Variants in SDHAF3 observed in about 807,000 individuals in gnomAD.
SDHAF3 encodes succinate dehydrogenase assembly factor 3, mitochondrial.
SDHAF3 carries 18 observed loss-of-function variants against 11.5 expected under a neutral mutation model. The observed-to-expected ratio is 1.56, with a 90% CI of 1.08 to 2.32. SDHAF3 has a LOEUF of 2.32. Ranked by LOEUF, SDHAF3 falls within the 30% of genes most tolerant of loss-of-function variation. SDHAF3 has a pLI of 0.00. For missense variants in SDHAF3, 200 were observed against 154.4 expected (o/e 1.30, Z -1.57); for synonymous variants, 72 against 59.3 (o/e 1.21, Z -0.99).
At chr7:97,174,894 T>G (rs910945347) in intron 1 of SDHAF3, among the ~76,000 whole-genome samples, 5 of 152,222 alleles carry the variant, frequency 3.3e-5, no homozygotes, top group African/African-American at 4.8e-5. Context: ...GTTATGTAGT[T>G]TTTCATAGTC....
intron 1 of SDHAF3, among the ~76,000 whole-genome samples, chr7:97,127,909 T>C (rs1050580808): frequency 2.0e-5 from 3 of 147,430 alleles, no homozygotes; most frequent in African/African-American, 7.6e-5. Context: ...TTTTTTTTTT[T>C]TTTTTTTTTT....
intron 1 of SDHAF3, among the ~76,000 whole-genome samples, chr7:97,161,273 C>T (rs1789405445): frequency 6.6e-6 from 1 of 152,102 alleles, no homozygotes; most frequent in Non-Finnish European, 1.5e-5. Flanking sequence ...TTATTTTCCT[C>T]TATTAGTATT....
intron 1 of SDHAF3, chr7:97,136,557 G>A: frequency 3.8e-6 from 2 of 530,652 alleles, no homozygotes. Flanking sequence ...TAAGGGGGTG[G>A]CAAGAGTTTA....
Position 97,117,731 on chromosome 7 carries a change from G to C in SDHAF3, c.8G>C (p.Gly3Ala). 6.2e-7 allele frequency: 1 copy of C among 1,612,892 alleles called. No homozygotes were observed. The highest frequency in any genetic ancestry group is 8.5e-7 in the Non-Finnish European group (1 of 1,179,446). The change falls in exon 1 of 2, where the codon GGG becomes GCG. Residue 3 changes from glycine to alanine, a missense_variant. By Grantham distance (60) the Gly-to-Ala change is moderately conservative. Transcript: ENST00000432641. Reference protein sequence around the residue: MPGRHVSRVRALY... With the variant: MPARHVSRVRALY... The stretch of plus-strand genomic sequence containing the variant: ...CGGTCGGCGTGGGGCGCTATGCCGG[G>C]GCGGCACGTTTCTCGAGTCCGGGCA...
intron 1 of SDHAF3, chr7:97,136,536 A>C: frequency 1.8e-6 from 1 of 562,312 alleles, no homozygotes; most frequent in Non-Finnish European, 3.2e-6. Flanking sequence ...AATATTCTTT[A>C]CAGCCTAAAT....
intron 1 of SDHAF3, chr7:97,135,680 A>AT (rs1791752195): frequency 1.2e-4 from 10 of 85,798 alleles, no homozygotes; most frequent in Admixed American, 5.1e-4. Context: ...ATATATATAT[A>AT]TATTTTTTTT....
intron 1 of SDHAF3, among the ~76,000 whole-genome samples, chr7:97,163,235 G>A (rs930524404): frequency 3.5e-5 from 5 of 142,662 alleles, no homozygotes; most frequent in Admixed American, 7.4e-5. Context: ...TCAGCCTTCC[G>A]GTTTCAAGTG....
At chr7:97,118,920 A>G (rs745317251) in intron 1 of SDHAF3, among the ~76,000 whole-genome samples, 3 of 152,198 alleles carry the variant, frequency 2.0e-5, no homozygotes, top group Non-Finnish European at 4.4e-5. Flanking sequence ...CTTGAAAATC[A>G]TGGTGTATTT....
chr7:97,126,860 A>AC (rs1791584667), intron 1 of SDHAF3, among the ~76,000 whole-genome samples: 1 of 151,488 alleles, frequency 6.6e-6, no homozygotes, highest in African/African-American at 2.4e-5. Flanking sequence ...AAAAAAAAAA[A>AC]AACCCTGCAG....
At position 97,117,832 on chromosome 7, in the gene SDHAF3, G is replaced by T; in HGVS notation, c.109G>T (p.Asp37Tyr). 1 of 1,614,216 alleles carries T rather than the reference G, an allele frequency of 6.2e-7. No individual in the cohort carries two copies. The highest frequency in any genetic ancestry group is 1.1e-5 in the South Asian group (1 of 91,082). Residue 37 changes from aspartate (D) to tyrosine (Y), a missense_variant, in exon 1 of 2, where the codon GAC becomes TAC. Asp to Tyr is a radical substitution (Grantham distance 160). Coordinates refer to ENST00000432641, the MANE Select transcript of SDHAF3 (RefSeq NM_020186.3). ...LKSLGDQYVK[D>Y]EFRRHKTVGS... ...ATCCCTGGGCGACCAGTACGTGAAA[G>T]ACGAATTTAGGAGACATAAGACCGT...
chr7:97,123,497 T>C (rs1791530829), intron 1 of SDHAF3, among the ~76,000 whole-genome samples: 1 of 152,194 alleles, frequency 6.6e-6, no homozygotes, highest in South Asian at 2.1e-4. Flanking sequence ...TTATAATCCT[T>C]TGGGTATATA....
intron 1 of SDHAF3, among the ~76,000 whole-genome samples, chr7:97,137,683 A>G (rs1202057245): frequency 6.6e-6 from 1 of 152,158 alleles, no homozygotes; most frequent in East Asian, 1.9e-4. Flanking sequence ...GGTGAGACCC[A>G]TTGTGTCTTA....
intron 1 of SDHAF3, among the ~76,000 whole-genome samples, chr7:97,158,621 G>A (rs1266153323): frequency 1.6e-4 from 25 of 152,274 alleles, no homozygotes; most frequent in Non-Finnish European, 2.9e-5. Context: ...ACTGCACCCA[G>A]CGAGTTTCCC....
At chr7:97,175,875 A>C (rs1022126190) in intron 1 of SDHAF3, among the ~76,000 whole-genome samples, 7 of 152,206 alleles carry the variant, frequency 4.6e-5, no homozygotes, top group Admixed American at 2.0e-4. Context: ...CCACAGCCTG[A>C]CTTAAAACAA....
At chr7:97,169,249 G>A (rs1310310861) in intron 1 of SDHAF3, among the ~76,000 whole-genome samples, 1 of 152,112 alleles carries the variant, frequency 6.6e-6, no homozygotes, top group Non-Finnish European at 1.5e-5. Context: ...TCACTTGAAT[G>A]TAGTGAGCTA....
intron 1 of SDHAF3, among the ~76,000 whole-genome samples, chr7:97,159,892 T>C (rs1341234297): frequency 6.6e-6 from 1 of 152,210 alleles, no homozygotes; most frequent in African/African-American, 2.4e-5. Flanking sequence ...TTTTGGAGGG[T>C]TAGACCATTG....
At chr7:97,170,668 CT>C (rs1024678430) in intron 1 of SDHAF3, among the ~76,000 whole-genome samples, 4 of 151,448 alleles carry the variant, frequency 2.6e-5, no homozygotes, top group Non-Finnish European at 2.9e-5. Flanking sequence ...GCTTTTTTTT[CT>C]TTTTATCTTT....
chr7:97,181,370 T>A lies in SDHAF3; in HGVS notation c.*155T>A. ...TATGATTGCAGTATATGGATCAAGA[T>A]CACTAGTGACAATTGAAAAAAACTA... is the stretch of plus-strand genomic sequence containing the variant. On this transcript the variant is annotated 3_prime_UTR_variant, in exon 2 of 2. Coordinates refer to ENST00000432641, the MANE Select transcript of SDHAF3 (RefSeq NM_020186.3). 1.8e-6 allele frequency: 1 copy of A among 554,940 alleles called. No homozygotes were observed. Among genetic ancestry groups the A allele is most frequent in the Non-Finnish European group, 3.1e-6 (1 of 324,174 alleles). The allele number at this position is 554,940 out of a possible 1,614,324, so 34.4% of individuals were successfully genotyped here. A position where few individuals can be genotyped will look rare whatever the true frequency, so the allele number is the denominator to read the frequency against.
At chr7:97,169,786 A>T (rs1026004174) in intron 1 of SDHAF3, among the ~76,000 whole-genome samples, 5 of 152,148 alleles carry the variant, frequency 3.3e-5, no homozygotes, top group African/African-American at 1.2e-4. Flanking sequence ...TATGTTTTTA[A>T]TGTCTGCGAG....
Sources: allele counts gnomAD v4.1 joint callset (sites outside exome capture counted in the v4.1 genomes callset), GRCh38; gene constraint gnomAD v4.1.1; transcripts MANE v1.5; gene names NCBI Gene and HGNC (gene_info 2026-07-23, HGNC 2026-07-21).